SHISA9: variants seen among roughly 807,000 people sequenced by gnomAD.
The protein encoded by SHISA9 is protein shisa-9.
SHISA9 carries 13 observed loss-of-function variants against 38.0 expected under a neutral mutation model. The ratio of observed to expected loss-of-function variants is 0.34; its 90% CI spans 0.22 to 0.54. The LOEUF (loss-of-function observed/expected upper bound fraction) is 0.54. SHISA9 is among the 20% of genes least tolerant of loss of function. SHISA9 has a pLI of 0.91. For missense variants in SHISA9, 538 were observed against 575.8 expected, an observed-to-expected ratio of 0.93 and a Z score of 0.67; for synonymous variants, 275 against 242.0, an observed-to-expected ratio of 1.14 and a Z score of -1.27.
the SHISA9 span, among the ~76,000 whole-genome samples, chr16:13,316,256 G>T: frequency 6.6e-6 from 1 of 152,070 alleles, no homozygotes; most frequent in East Asian, 1.9e-4. Flanking sequence ...AACAACTATT[G>T]CAAAAGTTTC....
the SHISA9 span, among the ~76,000 whole-genome samples, chr16:13,267,538 C>G: frequency 6.6e-6 from 1 of 152,132 alleles, no homozygotes; most frequent in Non-Finnish European, 1.5e-5. Context: ...ACAATTCTAC[C>G]TCCAAGACAG....
At chr16:13,077,981 A>G (rs989305211) in intron 2 of SHISA9, among the ~76,000 whole-genome samples, 1 of 152,226 alleles carries the variant, frequency 6.6e-6, no homozygotes, top group African/African-American at 2.4e-5. Context: ...AGGAGGACAA[A>G]CAGAAGCTCA....
rs565333494 is a variant in SHISA9 at position 12,913,283 on chromosome 16, A to G, written c.564-3405A>G. Among the ~76,000 whole-genome samples the G allele has an allele frequency of 2.6e-5, 4 of 151,914 alleles. No individual in the cohort carries two copies. In the South Asian group the frequency reaches 6.2e-4, roughly 24 times the overall value. ...GTGATCTCAGCTCACTGCAATCTCC[A>G]CCTCCTGGGTTCAAGCAATTCTCCT... On this transcript the variant is annotated intron_variant, in intron 1 of 4. Coordinates refer to ENST00000558583, the MANE Select transcript of SHISA9 (RefSeq NM_001145204.3).
the SHISA9 span, among the ~76,000 whole-genome samples, chr16:13,388,199 C>G: frequency 6.6e-6 from 1 of 152,012 alleles, no homozygotes; most frequent in African/African-American, 2.4e-5. Context: ...AAGGATCAAT[C>G]CCAAGAGTCA....
At chr16:13,332,011 T>C in the SHISA9 span, 1 of 151,864 alleles carries the variant, frequency 6.6e-6, no homozygotes, top group Non-Finnish European at 1.5e-5. Flanking sequence ...AGAAATTAGA[T>C]GGAGATATTT....
chr16:13,341,221 T>C, the SHISA9 span, among the ~76,000 whole-genome samples: 6 of 152,296 alleles, frequency 3.9e-5, no homozygotes, highest in South Asian at 4.2e-4. Flanking sequence ...AGCTACCAGG[T>C]GAAAGTCCAC....
At chr16:13,532,325 G>A in the SHISA9 span, among the ~76,000 whole-genome samples, 1 of 152,092 alleles carries the variant, frequency 6.6e-6, no homozygotes, top group East Asian at 1.9e-4. Context: ...GGAAGGAGGG[G>A]GATACAGGGA....
At chr16:13,129,888 G>C (rs79859968) in intron 2 of SHISA9, among the ~76,000 whole-genome samples, 2,551 of 152,164 alleles carry the variant, frequency 0.017, 79 homozygotes, top group African/African-American at 0.059. Flanking sequence ...TCCCTTCCCA[G>C]AGTGAAGCTC....
chr16:13,349,296 G>T, the SHISA9 span, among the ~76,000 whole-genome samples: 1 of 152,228 alleles, frequency 6.6e-6, no homozygotes, highest in Non-Finnish European at 1.5e-5. Context: ...ATAGTGACTT[G>T]CATGGACGAG....
At chr16:13,269,147 T>C in the SHISA9 span, among the ~76,000 whole-genome samples, 1 of 152,190 alleles carries the variant, frequency 6.6e-6, no homozygotes, top group Non-Finnish European at 1.5e-5. Context: ...CTTTATCTGA[T>C]CTTTGAGAGA....
At chr16:13,114,760 T>C (rs1109215) in intron 2 of SHISA9, among the ~76,000 whole-genome samples, 5,557 of 152,310 alleles carry the variant, frequency 0.036, 139 homozygotes, top group Middle Eastern at 0.068. Context: ...TATAGATTTA[T>C]GTGTCCATAA....
the SHISA9 span, among the ~76,000 whole-genome samples, chr16:13,318,385 C>T: frequency 2.6e-5 from 4 of 152,030 alleles, no homozygotes; most frequent in East Asian, 1.9e-4. Flanking sequence ...TGCAATGGCA[C>T]GATCTCGGCT....
At chr16:12,908,458 T>A in intron 1 of SHISA9, 1 of 1,551,542 alleles carries the variant, frequency 6.4e-7, no homozygotes, top group Non-Finnish European at 8.7e-7. Flanking sequence ...TTTAATTTCA[T>A]ACCCTTCCCC....
the SHISA9 span, among the ~76,000 whole-genome samples, chr16:13,395,255 A>C: frequency 6.6e-6 from 1 of 152,198 alleles, no homozygotes; most frequent in Non-Finnish European, 1.5e-5. Flanking sequence ...CATGGAAACA[A>C]CAGCTCAAAT....
chr16:13,177,489 C>T (rs2050741461), intron 2 of SHISA9, among the ~76,000 whole-genome samples: 1 of 152,106 alleles, frequency 6.6e-6, no homozygotes. Context: ...AATATCCCAC[C>T]TCATGTGAAT....
the SHISA9 span, among the ~76,000 whole-genome samples, chr16:13,282,051 A>T: frequency 6.6e-6 from 1 of 151,934 alleles, no homozygotes; most frequent in East Asian, 1.9e-4. Flanking sequence ...AAAAGAAAAC[A>T]ATATTTTATA....
At chr16:13,202,868 C>T (rs150589387) in intron 2 of SHISA9, among the ~76,000 whole-genome samples, 3 of 152,258 alleles carry the variant, frequency 2.0e-5, no homozygotes, top group Non-Finnish European at 2.9e-5. Flanking sequence ...CATATACATA[C>T]GCTTTACATT....
chr16:13,114,192 C>G (rs187040666), intron 2 of SHISA9, among the ~76,000 whole-genome samples: 2 of 151,912 alleles, frequency 1.3e-5, no homozygotes, highest in Admixed American at 1.3e-4. Context: ...AAAGGCTGGG[C>G]GTGGTGGCTC....
chr16:13,342,554 G>C, the SHISA9 span, among the ~76,000 whole-genome samples: 2 of 152,164 alleles, frequency 1.3e-5, no homozygotes, highest in Non-Finnish European at 2.9e-5. Context: ...CTGAAGTGCT[G>C]GGACTACAGG....
Sources: allele counts gnomAD v4.1 joint callset (sites outside exome capture counted in the v4.1 genomes callset), GRCh38; gene constraint gnomAD v4.1.1; transcripts MANE v1.5; gene names NCBI Gene and HGNC (gene_info 2026-07-23, HGNC 2026-07-21).